The following TNFSF11 variants were observed in gnomAD, a reference collection of about 807,000 sequenced individuals.
The protein encoded by TNFSF11 is tumor necrosis factor ligand superfamily member 11.
A neutral mutation model predicts 32.2 loss-of-function variants in TNFSF11; 12 were observed. That is an observed-to-expected ratio of 0.37 (90% confidence interval 0.24 to 0.60). The LOEUF (loss-of-function observed/expected upper bound fraction) is 0.60. Among genes scored for constraint, TNFSF11 ranks in the 20% least tolerant of loss-of-function variants. TNFSF11 has a pLI of 0.66. For missense variants in TNFSF11, 345 were observed against 398.0 expected (o/e 0.87, Z 1.13); for synonymous variants, 172 against 152.1 (o/e 1.13, Z -0.96).
At position 42,576,309 on chromosome 13, in the gene TNFSF11, G is replaced by T. The variant is rs898584803; in HGVS notation, c.219+1787G>T. ...ATGGCTGTGTAGGAAAGAGTGACCT[G>T]CTGGGCTCTTGTTAGAGTTGTTCAG... On this transcript the variant is annotated intron_variant, in intron 1 of 4. Coordinates refer to ENST00000398795, the MANE Select transcript of TNFSF11 (RefSeq NM_003701.4). Among the ~76,000 whole-genome samples the T allele has an allele frequency of 3.3e-5, 5 of 152,094 alleles. No individual in the cohort carries two copies. In the South Asian group the frequency reaches 1.0e-3, roughly 32 times the overall value.
At chr13:42,580,071 G>A (rs1395591224) in intron 1 of TNFSF11, among the ~76,000 whole-genome samples, 1 of 151,980 alleles carries the variant, frequency 6.6e-6, no homozygotes, top group Non-Finnish European at 1.5e-5. Flanking sequence ...ATTTGACTGA[G>A]CTTTGTAATC....
chr13:42,569,479 A>C (rs919901551), upstream of TNFSF11, among the ~76,000 whole-genome samples: 4 of 150,506 alleles, frequency 2.7e-5, no homozygotes, highest in African/African-American at 9.8e-5. Context: ...ACCCAGGAGG[A>C]GGAGCTTGCA....
At chr13:42,583,444 G>GAAAAAAAAAACA (rs71202227) in intron 2 of TNFSF11, among the ~76,000 whole-genome samples, 1 of 95,604 alleles carries the variant, frequency 1.0e-5, no homozygotes, top group Non-Finnish European at 1.9e-5. Context: ...AAAAAGAAAG[G>GAAAAAAAAAACA]AAGAAAGGAA....
intron 2 of TNFSF11, among the ~76,000 whole-genome samples, chr13:42,599,174 A>G (rs147719240): frequency 6.4e-4 from 98 of 152,340 alleles, no homozygotes; most frequent in African/African-American, 2.1e-3. Flanking sequence ...CAGCTGTGCT[A>G]TCTCCTCCAA....
chr13:42,604,047 T>G (rs1869319472), intron 4 of TNFSF11, among the ~76,000 whole-genome samples: 1 of 152,206 alleles, frequency 6.6e-6, no homozygotes. Context: ...GCCTCTCTAT[T>G]TCATATTCTT....
intron 2 of TNFSF11, among the ~76,000 whole-genome samples, chr13:42,599,309 C>G (rs1566387081): frequency 1.4e-5 from 2 of 139,296 alleles, no homozygotes; most frequent in Non-Finnish European, 3.1e-5. Context: ...TTGCCTCTAT[C>G]TATCTATCTA....
intron 2 of TNFSF11, among the ~76,000 whole-genome samples, chr13:42,585,524 A>G (rs1471486306): frequency 6.6e-6 from 1 of 152,136 alleles, no homozygotes; most frequent in African/African-American, 2.4e-5. Context: ...AAGTGATCCA[A>G]CCCTACCAAC....
Position 42,600,780 on chromosome 13 carries a change from A to C in TNFSF11, c.416A>C (p.His139Pro). Residue 139 changes from histidine to proline, a missense_variant, in exon 3 of 5, where the codon CAC (histidine) becomes CCC (proline). By Grantham distance (77) the His-to-Pro change is moderately conservative. Coordinates refer to ENST00000398795, the MANE Select transcript of TNFSF11 (RefSeq NM_003701.4). ...KELQHIVGSQ[H>P]IRAEKAMVDG... ...TTACAACATATCGTTGGATCACAGC[A>C]CATCAGAGCAGAGAAAGGTAAGCAT... The C allele has an allele frequency of 6.2e-7, 1 of 1,614,170 alleles. No individual in the cohort carries two copies. Among genetic ancestry groups the C allele is most frequent in the Non-Finnish European group, 8.5e-7 (1 of 1,180,014 alleles).
intron 2 of TNFSF11, among the ~76,000 whole-genome samples, chr13:42,567,447 G>A (rs1362441626): frequency 6.6e-6 from 1 of 152,156 alleles, no homozygotes; most frequent in Non-Finnish European, 1.5e-5. Context: ...TGACCAAGAT[G>A]TTTTTCCTCT....
chr13:42,574,233 A>T lies in TNFSF11; in HGVS notation c.-71A>T. The T allele has an allele frequency of 6.6e-7, 1 of 1,521,880 alleles. No homozygotes were observed. Among genetic ancestry groups the T allele is most frequent in the Non-Finnish European group, 8.9e-7 (1 of 1,126,264 alleles). The allele number at this position is 1,521,880 out of a possible 1,614,324, so 94.3% of individuals were successfully genotyped here. ...GTCGAGGCTCCGCCGCAGCCTCCGG[A>T]GTTGGCCGCAGACAAGAAGGGGAGG... On this transcript the variant is annotated 5_prime_UTR_variant, in exon 1 of 5. Transcript: ENST00000398795.
rs200795736 is a variant in TNFSF11, at chr13:42,600,874, C to T, written c.434-9C>T. 1 of 1,614,130 alleles carries T rather than the reference C, an allele frequency of 6.2e-7. No individual in the cohort carries two copies. The highest frequency in any genetic ancestry group is 8.5e-7 in the Non-Finnish European group (1 of 1,180,006). On this transcript the variant is annotated splice_polypyrimidine_tract_variant and intron_variant, in intron 3 of 4. Transcript: ENST00000398795. ...TTGGCTATAATAATATGGTTTCTCT[C>T]ATCTCCAGCGATGGTGGATGGCTCA...
upstream of TNFSF11, among the ~76,000 whole-genome samples, chr13:42,572,468 A>G (rs1873102439): frequency 6.6e-6 from 1 of 152,186 alleles, no homozygotes; most frequent in East Asian, 1.9e-4. Context: ...TGAGTCAAGG[A>G]GCAGGGAGAG....
At chr13:42,583,638 C>T (rs377684879) in intron 2 of TNFSF11, among the ~76,000 whole-genome samples, 1 of 151,596 alleles carries the variant, frequency 6.6e-6, no homozygotes, top group Admixed American at 6.6e-5. Context: ...GATGTTATTA[C>T]GAATGTAATA....
chr13:42,594,149 G>A (rs947918035), intron 2 of TNFSF11, among the ~76,000 whole-genome samples: 3 of 151,032 alleles, frequency 2.0e-5, no homozygotes, highest in Non-Finnish European at 1.5e-5. Flanking sequence ...GTGTGATCTC[G>A]GCTCACTGTA....
chr13:42,584,242 G>A (rs1302169176), intron 2 of TNFSF11, among the ~76,000 whole-genome samples: 1 of 152,202 alleles, frequency 6.6e-6, no homozygotes, highest in African/African-American at 2.4e-5. Flanking sequence ...GTGTCTCTCT[G>A]TGAGTGAATG....
chr13:42,604,783 TTTTG>T (rs748315515), intron 4 of TNFSF11, among the ~76,000 whole-genome samples: 3 of 151,980 alleles, frequency 2.0e-5, no homozygotes, highest in African/African-American at 7.3e-5. Context: ...TTTTTGTTTG[TTTTG>T]TTTGTTTGTT....
At chr13:42,597,502 G>C (rs1868884389) in intron 2 of TNFSF11, among the ~76,000 whole-genome samples, 1 of 152,082 alleles carries the variant, frequency 6.6e-6, no homozygotes, top group African/African-American at 2.4e-5. Flanking sequence ...CCGGGTAGAA[G>C]AGGACAAACT....
rs71202227 is a variant in TNFSF11 at position 42,583,444 on chromosome 13, G to GAAAAAAAAAAAAAAAAAAAAAA, written c.387+2153_387+2154insAAAAAAAAAAAAAAAAAAAAAA. On this transcript the variant is annotated intron_variant, in intron 2 of 4. Transcript: ENST00000398795. Reference sequence around the variant, plus strand: ...AAAAAAAAAAAAAAAAAAAAGAAAGGAAGAAAGGAAGGAAGGAAAAAGATT... The same window carrying GAAAAAAAAAAAAAAAAAAAAAA: ...AAAAAAAAAAAAAAAAAAAAGAAAGGAAAAAAAAAAAAAAAAAAAAAAAAGAAAGGAAGGAAGGAAAAAGATT... Among the ~76,000 whole-genome samples, 84 of 95,604 alleles carry GAAAAAAAAAAAAAAAAAAAAAA rather than the reference G, an allele frequency of 8.8e-4. 8 individuals carry two copies. The highest frequency in any genetic ancestry group is 3.8e-3 in the African/African-American group (82 of 21,516). The allele number at this position is 95,604 out of a possible 152,430, so 62.7% of individuals were successfully genotyped here. A position where few individuals can be genotyped will look rare whatever the true frequency, so the allele number is the denominator to read the frequency against.
chr13:42,582,769 T>C (rs1873680465), intron 2 of TNFSF11, among the ~76,000 whole-genome samples: 1 of 152,252 alleles, frequency 6.6e-6, no homozygotes, highest in Non-Finnish European at 1.5e-5. Context: ...TCTGTTAATC[T>C]ATTCATTTTT....
Sources: gnomAD v4.1 joint callset for allele counts (sites outside exome capture counted in the v4.1 genomes callset) on GRCh38, gnomAD v4.1.1 for gene constraint, MANE v1.5 for transcripts, NCBI Gene and HGNC (gene_info 2026-07-23, HGNC 2026-07-21) for gene names.